The following KLHL24 variants were observed in gnomAD, a reference collection of about 807,000 sequenced individuals.
The protein encoded by KLHL24 is kelch like family member 24.
In KLHL24, 29 loss-of-function variants were observed where a neutral mutation model predicts 53.4. The ratio of observed to expected loss-of-function variants is 0.54; its 90% CI spans 0.40 to 0.74. The LOEUF (loss-of-function observed/expected upper bound fraction) is 0.74. KLHL24 is among the 30% of genes least tolerant of loss of function. The pLI is 0.00. For missense variants in KLHL24, 504 were observed against 744.0 expected (o/e 0.68, Z 3.75); for synonymous variants, 222 against 253.7 (o/e 0.88, Z 1.19).
intron 5 of KLHL24, among the ~76,000 whole-genome samples, chr3:183,670,217 A>G (rs751284748): frequency 3.3e-5 from 5 of 152,162 alleles, no homozygotes; most frequent in African/African-American, 1.2e-4. Flanking sequence ...GTGAGCTGTG[A>G]TCATGCCACT....
intron 7 of KLHL24, among the ~76,000 whole-genome samples, chr3:183,674,116 A>T (rs559740371): frequency 9.2e-5 from 14 of 151,612 alleles, no homozygotes; most frequent in Non-Finnish European, 1.8e-4. Context: ...CAGTTCTCCT[A>T]TTTTTTCCAT....
intron 2 of KLHL24, among the ~76,000 whole-genome samples, chr3:183,648,658 G>C (rs189724825): frequency 6.6e-6 from 1 of 152,118 alleles, no homozygotes; most frequent in Admixed American, 6.6e-5. Context: ...TCATGTATCA[G>C]CTTCTGAAGA....
At chr3:183,658,854 C>T (rs1343215879) in intron 3 of KLHL24, among the ~76,000 whole-genome samples, 2 of 150,776 alleles carry the variant, frequency 1.3e-5, no homozygotes, top group Non-Finnish European at 2.9e-5. Context: ...AGCTGGAGTA[C>T]AGTGACACAG....
intron 3 of KLHL24, among the ~76,000 whole-genome samples, chr3:183,652,501 A>G (rs1028313196): frequency 6.6e-6 from 1 of 152,126 alleles, no homozygotes; most frequent in African/African-American, 2.4e-5. Flanking sequence ...TTAATTATAC[A>G]TTTCAGTAAT....
intron 7 of KLHL24, among the ~76,000 whole-genome samples, chr3:183,674,281 TTC>T (rs1721803300): frequency 6.6e-6 from 1 of 151,080 alleles, no homozygotes; most frequent in South Asian, 2.1e-4. Flanking sequence ...CTTTCTTTCT[TTC>T]TTTCTTTCTT....
chr3:183,652,836 C>A (rs955578842), intron 3 of KLHL24, among the ~76,000 whole-genome samples: 1 of 152,150 alleles, frequency 6.6e-6, no homozygotes, highest in Non-Finnish European at 1.5e-5. Context: ...TTTTCCAAGA[C>A]AAATACCCCT....
At chr3:183,644,634 C>G (rs1401394174) in intron 2 of KLHL24, among the ~76,000 whole-genome samples, 2 of 152,150 alleles carry the variant, frequency 1.3e-5, no homozygotes, top group Non-Finnish European at 2.9e-5. Context: ...CCTCTTTTGT[C>G]AGTGAACAAA....
intron 3 of KLHL24, among the ~76,000 whole-genome samples, chr3:183,659,481 A>G (rs1252151165): frequency 6.6e-6 from 1 of 152,212 alleles, no homozygotes; most frequent in Non-Finnish European, 1.5e-5. Context: ...CAGAGATTGC[A>G]AGATCGTGTC....
intron 3 of KLHL24, among the ~76,000 whole-genome samples, chr3:183,656,937 G>T (rs928887135): frequency 6.6e-6 from 1 of 150,540 alleles, no homozygotes; most frequent in Non-Finnish European, 1.5e-5. Context: ...AAAAATAAGC[G>T]TAACAATCTG....
rs1436881179 is a variant in KLHL24 at position 183,663,907 on chromosome 3, A to G, written c.1105+265A>G. 6.6e-6 allele frequency among the ~76,000 whole-genome samples: 1 copy of G among 152,188 alleles called. No homozygotes were observed. Among genetic ancestry groups the G allele is most frequent in the Non-Finnish European group, 1.5e-5 (1 of 68,030 alleles). ...GGAGATCGAGACCATCCTGGCCAAC[A>G]TGGTGAAACCCCATCTCTACTAAAA... On this transcript the variant is annotated intron_variant, in intron 4 of 7. Transcript: ENST00000242810. This position sits in a 1 kb window ranked among gnomAD's most constrained non-coding sequence, Gnocchi z 4.9.
At chr3:183,670,339 A>G (rs888055776) in intron 5 of KLHL24, among the ~76,000 whole-genome samples, 8 of 152,204 alleles carry the variant, frequency 5.3e-5, no homozygotes, top group African/African-American at 1.9e-4. Context: ...AAAGTTCCCT[A>G]TATAAACCAT....
chr3:183,678,510 T>C (rs1221487343), intron 7 of KLHL24, among the ~76,000 whole-genome samples: 2 of 128,018 alleles, frequency 1.6e-5, no homozygotes, highest in Non-Finnish European at 3.1e-5. Flanking sequence ...TACTAACATA[T>C]AATCTTTTTT....
chr3:183,662,553 CA>C (rs2108840704), intron 3 of KLHL24, among the ~76,000 whole-genome samples: 1 of 152,188 alleles, frequency 6.6e-6, no homozygotes, highest in Admixed American at 6.5e-5. Flanking sequence ...CCTAAACTAT[CA>C]ATTGAATTTT....
intron 7 of KLHL24, among the ~76,000 whole-genome samples, chr3:183,676,799 G>C (rs886241916): frequency 6.6e-6 from 1 of 151,738 alleles, no homozygotes; most frequent in Non-Finnish European, 1.5e-5. Context: ...AGTAGACCAG[G>C]TATTTAAAAT....
At chr3:183,670,655 A>G (rs1721211465) in intron 5 of KLHL24, among the ~76,000 whole-genome samples, 1 of 152,202 alleles carries the variant, frequency 6.6e-6, no homozygotes, top group Non-Finnish European at 1.5e-5. Context: ...GCTAAATTGT[A>G]CCATTCTCAG....
Position 183,680,716 on chromosome 3 carries a change from GA to G in KLHL24, c.*1432del, listed in dbSNP as rs1234116008. The G allele has an allele frequency of 6.6e-6, 1 of 152,064 alleles. No individual in the cohort carries two copies. The highest frequency in any genetic ancestry group is 1.5e-5 in the Non-Finnish European group (1 of 68,010). The allele number at this position is 152,064 out of a possible 1,614,324, so 9.4% of individuals were successfully genotyped here. A position where few individuals can be genotyped will look rare whatever the true frequency, so the allele number is the denominator to read the frequency against. ...TAATGCAAATAAATGGATATGGCAG[GA>G]ACTACAGCATAAGTGATTATTGTGA... On this transcript the variant is annotated 3_prime_UTR_variant, in exon 8 of 8. Coordinates refer to ENST00000242810, the MANE Select transcript of KLHL24 (RefSeq NM_017644.3).
chr3:183,637,910 C>T (rs2108748720), intron 1 of KLHL24, among the ~76,000 whole-genome samples: 1 of 152,354 alleles, frequency 6.6e-6, no homozygotes, highest in South Asian at 2.1e-4. Context: ...CCGCCCGCCT[C>T]AGCCTCCCAA....
intron 5 of KLHL24, among the ~76,000 whole-genome samples, chr3:183,667,928 G>C (rs1480048334): frequency 6.6e-6 from 1 of 151,330 alleles, no homozygotes; most frequent in East Asian, 1.9e-4. Context: ...GCCTGGGCTG[G>C]TTTCAAACTC....
intron 5 of KLHL24, among the ~76,000 whole-genome samples, chr3:183,667,909 T>C (rs747661860): frequency 3.0e-4 from 45 of 151,586 alleles, no homozygotes; most frequent in Non-Finnish European, 5.6e-4. Context: ...GATAATGTTT[T>C]ATCCTGTTGC....
Sources: gnomAD v4.1 joint callset for allele counts (sites outside exome capture counted in the v4.1 genomes callset) on GRCh38, gnomAD v4.1.1 for gene constraint, Gnocchi (gnomAD v3.1) non-coding constraint, MANE v1.5 for transcripts, NCBI Gene and HGNC (gene_info 2026-07-23, HGNC 2026-07-21) for gene names.